Variants in ALKBH5 observed in about 807,000 individuals in gnomAD.
ALKBH5 encodes the protein alkB homolog 5, RNA demethylase.
ALKBH5 carries 2 observed loss-of-function variants against 32.1 expected under a neutral mutation model. The observed-to-expected ratio is 0.06, with a 90% CI of 0.03 to 0.20. The LOEUF (loss-of-function observed/expected upper bound fraction) is 0.20. Among genes scored for constraint, ALKBH5 ranks in the 10% least tolerant of loss-of-function variants. ALKBH5 has a pLI of 1.00. For missense variants in ALKBH5, 352 were observed against 559.5 expected, an observed-to-expected ratio of 0.63 and a Z score of 3.74; for synonymous variants, 300 against 231.7, an observed-to-expected ratio of 1.29 and a Z score of -2.68.
intron 2 of ALKBH5, among the ~76,000 whole-genome samples, chr17:18,200,956 C>T (rs1204634120): frequency 3.3e-5 from 5 of 151,964 alleles, no homozygotes; most frequent in Non-Finnish European, 7.4e-5. Flanking sequence ...GAGGGATTTG[C>T]ATGTGAGAGA....
chr17:18,198,713 C>A (rs1231836896), intron 2 of ALKBH5, among the ~76,000 whole-genome samples: 2 of 152,142 alleles, frequency 1.3e-5, no homozygotes, highest in Non-Finnish European at 2.9e-5. Flanking sequence ...TTTCTAAGGG[C>A]CTCACGGAAG....
intron 2 of ALKBH5, among the ~76,000 whole-genome samples, chr17:18,198,477 G>C (rs531819180): frequency 1.3e-5 from 2 of 152,332 alleles, no homozygotes; most frequent in East Asian, 3.9e-4. Flanking sequence ...GCATTGCCCG[G>C]AGATAAGTAT....
intron 1 of ALKBH5, among the ~76,000 whole-genome samples, chr17:18,189,078 TA>T (rs201234613): frequency 3.7e-5 from 5 of 136,440 alleles, no homozygotes; most frequent in East Asian, 4.4e-4. Context: ...AAAAAAATAA[TA>T]AAAAAAAAAA....
At chr17:18,202,741 C>T (rs1381371460) in intron 2 of ALKBH5, among the ~76,000 whole-genome samples, 1 of 151,860 alleles carries the variant, frequency 6.6e-6, no homozygotes, top group African/African-American at 2.4e-5. Flanking sequence ...TGTTCTCTTG[C>T]ACTGAGGAGG....
At chr17:18,201,018 C>G (rs922304960) in intron 2 of ALKBH5, among the ~76,000 whole-genome samples, 1 of 151,996 alleles carries the variant, frequency 6.6e-6, no homozygotes, top group Non-Finnish European at 1.5e-5. Context: ...CCACAGAGTT[C>G]GAGGAGTCAG....
At chr17:18,202,966 C>G (rs2142487513) in intron 2 of ALKBH5, among the ~76,000 whole-genome samples, 1 of 151,032 alleles carries the variant, frequency 6.6e-6, no homozygotes, top group Middle Eastern at 3.4e-3. Context: ...CCCAGCTACT[C>G]ATGAGGCTGA....
chr17:18,197,186 G>A (rs768416652), intron 2 of ALKBH5, among the ~76,000 whole-genome samples: 10 of 152,232 alleles, frequency 6.6e-5, no homozygotes, highest in Non-Finnish European at 1.0e-4. Flanking sequence ...CAGTGAACAC[G>A]TGGGAGCTCC....
chr17:18,196,092 G>A (rs191067866), intron 2 of ALKBH5, among the ~76,000 whole-genome samples: 291 of 152,080 alleles, frequency 1.9e-3, no homozygotes, highest in Middle Eastern at 0.017. Context: ...GATTTCCTTA[G>A]GTTTTTCCTA....
chr17:18,207,068 T>C (rs2047273458), intron 3 of ALKBH5, 98 bp downstream of exon 3: 1 of 1,462,800 alleles, frequency 6.8e-7, no homozygotes, highest in Non-Finnish European at 9.2e-7. Flanking sequence ...GAGCCTTGGC[T>C]TGCTCACCCT....
At chr17:18,194,664 A>G (rs1459982185) in intron 1 of ALKBH5, among the ~76,000 whole-genome samples, 2 of 152,138 alleles carry the variant, frequency 1.3e-5, no homozygotes, top group East Asian at 3.8e-4. Flanking sequence ...TACCCTTTTA[A>G]AAAAGGGTTC....
In ALKBH5 at chr17:18,209,659, A is replaced by G. The variant is rs1460013493; in HGVS notation, c.*1263A>G. 2.0e-5 allele frequency: 3 copies of G among 152,316 alleles called. No homozygotes were observed. Among genetic ancestry groups the G allele is most frequent in the African/African-American group, 7.2e-5 (3 of 41,464 alleles). 9.4% of individuals were successfully genotyped at this position (152,316 alleles called of 1,614,324 possible). On this transcript the variant is annotated 3_prime_UTR_variant, in exon 4 of 4. Coordinates refer to ENST00000399138, the MANE Select transcript of ALKBH5 (RefSeq NM_017758.4). Reference sequence around the variant, plus strand: ...GCCAGGACCCGGGCTTGCCAAGAGCAGAGGCCCTCCCAGCAACCAGGATAC... The same window carrying G: ...GCCAGGACCCGGGCTTGCCAAGAGCGGAGGCCCTCCCAGCAACCAGGATAC...
At chr17:18,203,167 A>G (rs1028177814) in intron 2 of ALKBH5, among the ~76,000 whole-genome samples, 1 of 151,340 alleles carries the variant, frequency 6.6e-6, no homozygotes, top group Non-Finnish European at 1.5e-5. Context: ...TAATCCTTCT[A>G]CCTTGGCCTC....
At chr17:18,194,755 T>C (rs1225243601) in intron 1 of ALKBH5, among the ~76,000 whole-genome samples, 200 bp from the exon 2 acceptor site, 1 of 152,212 alleles carries the variant, frequency 6.6e-6, no homozygotes. Context: ...ACCAGGTTTT[T>C]CCTTGAGTAT....
rs970063704 is a variant in ALKBH5 at position 18,183,832 on chromosome 17, A to G, written c.-412A>G. On this transcript the variant is annotated 5_prime_UTR_variant, in exon 1 of 4. Transcript: ENST00000399138. ...GCAGCACTGCGCGTGCGCGGTGAGGAGCCCGCTAAGGAGCGGCGCTGGCGG... is the reference window on the plus strand; with the variant it reads ...GCAGCACTGCGCGTGCGCGGTGAGGGGCCCGCTAAGGAGCGGCGCTGGCGG... 3.0e-5 allele frequency: 9 copies of G among 299,524 alleles called. No homozygotes were observed. Among genetic ancestry groups the G allele is most frequent in the Non-Finnish European group, 5.8e-5 (9 of 155,630 alleles). 18.6% of individuals were successfully genotyped at this position (299,524 alleles called of 1,614,324 possible). A position where few individuals can be genotyped will look rare whatever the true frequency, so the allele number is the denominator to read the frequency against.
rs200574820 is a variant in ALKBH5, at chr17:18,188,183, C to CA, written c.770+3170_770+3171insA. 6.6e-3 allele frequency among the ~76,000 whole-genome samples: 1,007 copies of CA among 152,334 alleles called. 5 individuals are homozygous for CA. Among genetic ancestry groups the CA allele is most frequent in the Non-Finnish European group, 8.1e-3 (550 of 68,026 alleles). ...CATATCACTTTATCTGTCATTCATTCTCCTATTCCCTGTTGGCTGCATGGG... is the reference window on the plus strand; with the variant it reads ...CATATCACTTTATCTGTCATTCATTCATCCTATTCCCTGTTGGCTGCATGGG... On this transcript the variant is annotated intron_variant, in intron 1 of 3. Coordinates refer to ENST00000399138, the MANE Select transcript of ALKBH5 (RefSeq NM_017758.4).
At chr17:18,201,742 CTTAG>C (rs1307218768) in intron 2 of ALKBH5, among the ~76,000 whole-genome samples, 1 of 108,654 alleles carries the variant, frequency 9.2e-6, no homozygotes, top group Non-Finnish European at 2.0e-5. Flanking sequence ...GAGACTCCAT[CTTAG>C]ATAGATAGAT....
chr17:18,184,180 C>T lies in ALKBH5; in HGVS notation c.-64C>T, dbSNP rs1471200035. 1.0e-5 allele frequency: 14 copies of T among 1,396,792 alleles called. No individual in the cohort carries two copies. The East Asian group carries it at 1.1e-4, about 11-fold the overall frequency. The allele number at this position is 1,396,792 out of a possible 1,614,324, so 86.5% of individuals were successfully genotyped here. On this transcript the variant is annotated 5_prime_UTR_variant, in exon 1 of 4. Coordinates refer to ENST00000399138, the MANE Select transcript of ALKBH5 (RefSeq NM_017758.4). ...CCTCCGGGGGCCCCGGGGCGCGTCC[C>T]CTTAGAGCCATGCCCGGCTGCCCCG... is the stretch of plus-strand genomic sequence containing the variant.
At chr17:18,204,611 A>G (rs2047259257) in intron 2 of ALKBH5, among the ~76,000 whole-genome samples, 1 of 151,996 alleles carries the variant, frequency 6.6e-6, no homozygotes, top group African/African-American at 2.4e-5. Context: ...AAAATATAAA[A>G]ATTAGCCGAG....
At chr17:18,193,058 A>C (rs1191849338) in intron 1 of ALKBH5, among the ~76,000 whole-genome samples, 2 of 151,684 alleles carry the variant, frequency 1.3e-5, no homozygotes, top group African/African-American at 2.4e-5. Flanking sequence ...GGGTTTCACC[A>C]TGTCGGCCAG....
Sources: allele counts gnomAD v4.1 joint callset (sites outside exome capture counted in the v4.1 genomes callset), GRCh38; gene constraint gnomAD v4.1.1; transcripts MANE v1.5; gene names NCBI Gene and HGNC (gene_info 2026-07-23, HGNC 2026-07-21).